Variants in ANKRD6 observed in about 807,000 individuals in gnomAD.
The protein encoded by ANKRD6 is ankyrin repeat domain 6.
ANKRD6 carries 56 observed loss-of-function variants against 82.3 expected under a neutral mutation model. The ratio of observed to expected loss-of-function variants is 0.68; its 90% CI spans 0.55 to 0.85. The LOEUF (loss-of-function observed/expected upper bound fraction) is 0.85, where lower values mean the gene tolerates loss of function less well. ANKRD6 is among the 40% of genes least tolerant of loss of function. The pLI is 0.00. For synonymous variants in ANKRD6, 347 were observed against 352.1 expected (o/e 0.99, Z 0.16); for missense variants, 852 against 907.6 (o/e 0.94, Z 0.79).
intron 3 of ANKRD6, among the ~76,000 whole-genome samples, chr6:89,597,693 G>C (rs1318269317): frequency 6.6e-6 from 1 of 152,232 alleles, no homozygotes; most frequent in East Asian, 1.9e-4. Flanking sequence ...TTTAGACAGA[G>C]AGAGTCCCTT....
chr6:89,486,431 T>C, intron 1 of ANKRD6, among the ~76,000 whole-genome samples: 1 of 152,174 alleles, frequency 6.6e-6, no homozygotes, highest in East Asian at 1.9e-4. Flanking sequence ...AACAGTACAT[T>C]TCTCAGAATG....
At position 89,433,218 on chromosome 6, in the gene ANKRD6, G is replaced by T. The variant is rs1770172928; in HGVS notation, c.-301G>T. On this transcript the variant is annotated 5_prime_UTR_variant, in exon 1 of 16. Coordinates refer to ENST00000339746, the MANE Select transcript of ANKRD6 (RefSeq NM_001242809.2). The surrounding 1 kb of genome is among the most constrained non-coding windows in gnomAD (Gnocchi z 4.3). ...GTAACCCGCAGGAGCCGAGAGCGCT[G>T]CCTGGCGCGCGGGCGGCTGGAGGCA... 6.6e-6 allele frequency: 1 copy of T among 151,708 alleles called. No homozygotes were observed. Among genetic ancestry groups the T allele is most frequent in the East Asian group, 1.9e-4 (1 of 5,148 alleles). The allele number at this position is 151,708 out of a possible 1,614,324, so 9.4% of individuals were successfully genotyped here.
chr6:89,466,654 C>T (rs914733813), intron 1 of ANKRD6, among the ~76,000 whole-genome samples: 8 of 152,120 alleles, frequency 5.3e-5, no homozygotes, highest in African/African-American at 1.7e-4. Flanking sequence ...TCAAAATCTT[C>T]ACCTTCCTGT....
In ANKRD6 at chr6:89,473,715, A is replaced by G. The variant is rs562243388; in HGVS notation, c.-144+40340A>G. Reference sequence around the variant, plus strand: ...AACTTGTAGCTAGGTGTGGTGGCTCACGCCTGTAATTCTAGCACTTTGGGT... The same window carrying G: ...AACTTGTAGCTAGGTGTGGTGGCTCGCGCCTGTAATTCTAGCACTTTGGGT... On this transcript the variant is annotated intron_variant, in intron 1 of 15. Coordinates refer to ENST00000339746, the MANE Select transcript of ANKRD6 (RefSeq NM_001242809.2). Among the ~76,000 whole-genome samples the G allele has an allele frequency of 1.2e-3, 184 of 152,266 alleles. 1 individual carries two copies. Among genetic ancestry groups the G allele is most frequent in the African/African-American group, 4.2e-3 (175 of 41,552 alleles).
chr6:89,577,072 G>A (rs1018422643), intron 2 of ANKRD6, among the ~76,000 whole-genome samples: 1 of 151,896 alleles, frequency 6.6e-6, no homozygotes, highest in Admixed American at 6.6e-5. Flanking sequence ...GCATCTTTAT[G>A]TGCAGAATCC....
chr6:89,575,842 T>C (rs1435758362), intron 2 of ANKRD6, among the ~76,000 whole-genome samples: 1 of 152,204 alleles, frequency 6.6e-6, no homozygotes, highest in East Asian at 1.9e-4. Flanking sequence ...GGGCATCTCT[T>C]CTGTCCTGGG....
rs1770300429 is a variant in ANKRD6 at position 89,433,986 on chromosome 6, G to A, written c.-144+611G>A. Among the ~76,000 whole-genome samples the A allele has an allele frequency of 6.6e-6, 1 of 152,170 alleles. No individual in the cohort carries two copies. The highest frequency in any genetic ancestry group is 6.5e-5 in the Admixed American group (1 of 15,284). ...TTGGGCTTTTAAGTGTGTTGCTTCC[G>A]GTAGATCTCGGGGACTGGAGGGGAA... On this transcript the variant is annotated intron_variant, in intron 1 of 15. Transcript: ENST00000339746. This position sits in a 1 kb window ranked among gnomAD's most constrained non-coding sequence, Gnocchi z 4.3.
intron 9 of ANKRD6, among the ~76,000 whole-genome samples, chr6:89,620,785 G>A (rs1171860712): frequency 2.6e-5 from 4 of 152,154 alleles, no homozygotes; most frequent in African/African-American, 9.7e-5. Context: ...TAAAGACGAG[G>A]CCGGGTGCGG....
chr6:89,607,210 T>A (rs868382580), intron 5 of ANKRD6, among the ~76,000 whole-genome samples: 4 of 151,838 alleles, frequency 2.6e-5, no homozygotes, highest in South Asian at 2.1e-4. Context: ...TACCTACCTT[T>A]CTTGGACTCT....
intron 1 of ANKRD6, among the ~76,000 whole-genome samples, chr6:89,557,099 G>A (rs1377373989): frequency 1.3e-5 from 2 of 152,170 alleles, no homozygotes; most frequent in East Asian, 3.8e-4. Flanking sequence ...ATCAAGGTGA[G>A]GACACAGGAA....
rs1342361306 is a variant in ANKRD6, at chr6:89,627,440, C to T, written c.1372-143C>T. On this transcript the variant is annotated intron_variant, in intron 13 of 15. Transcript: ENST00000339746. ...TTCTGAAAGAGTTCCATGAGTCCTA[C>T]ATGCAAATGGAATCAGATAAGGGGT... is the stretch of plus-strand genomic sequence containing the variant. 4 of 612,564 alleles carry T rather than the reference C, an allele frequency of 6.5e-6. No homozygotes were observed. The East Asian group carries it at 1.1e-4, about 17-fold the overall frequency. 37.9% of individuals were successfully genotyped at this position (612,564 alleles called of 1,614,324 possible). A position where few individuals can be genotyped will look rare whatever the true frequency, so the allele number is the denominator to read the frequency against.
At chr6:89,565,924 T>G (rs1032371947) in intron 1 of ANKRD6, among the ~76,000 whole-genome samples, 2 of 152,252 alleles carry the variant, frequency 1.3e-5, no homozygotes, top group African/African-American at 4.8e-5. Flanking sequence ...CATTCACCCT[T>G]GAAATAATTA....
At chr6:89,617,024 CT>C in intron 8 of ANKRD6, 1 of 437,610 alleles carries the variant, frequency 2.3e-6, no homozygotes, top group South Asian at 1.7e-5. Flanking sequence ...GTTTAGTCAG[CT>C]TCAAAATTCT....
chr6:89,517,049 T>G (rs1562697716), intron 1 of ANKRD6, among the ~76,000 whole-genome samples: 1 of 152,202 alleles, frequency 6.6e-6, no homozygotes, highest in Non-Finnish European at 1.5e-5. Flanking sequence ...TTCTGATTTT[T>G]AGTATAGATG....
chr6:89,497,750 A>G (rs1315868830), intron 1 of ANKRD6, among the ~76,000 whole-genome samples: 1 of 152,172 alleles, frequency 6.6e-6, no homozygotes, highest in Non-Finnish European at 1.5e-5. Flanking sequence ...AAATTTATCC[A>G]TTATAACTAT....
Position 89,596,028 on chromosome 6 carries a change from A to G in ANKRD6, c.219+14A>G. On this transcript the variant is annotated intron_variant, in intron 3 of 15. Transcript: ENST00000339746. ...GTCCAGGATGATGTGAGTAGAAGCC[A>G]TCATTCTATCAGGCTGAGTTGGCAG... is the stretch of plus-strand genomic sequence containing the variant. 6.3e-7 allele frequency: 1 copy of G among 1,595,822 alleles called. No homozygotes were observed. The highest frequency in any genetic ancestry group is 8.5e-7 in the Non-Finnish European group (1 of 1,170,172).
chr6:89,577,160 T>C (rs1335586977), intron 2 of ANKRD6, among the ~76,000 whole-genome samples: 1 of 151,828 alleles, frequency 6.6e-6, no homozygotes, highest in Non-Finnish European at 1.5e-5. Flanking sequence ...GGTCCCTTTT[T>C]ATCAGTACGA....
chr6:89,489,997 A>G (rs1405414082), intron 1 of ANKRD6, among the ~76,000 whole-genome samples: 1 of 152,176 alleles, frequency 6.6e-6, no homozygotes, highest in Non-Finnish European at 1.5e-5. Context: ...TGTTTTGTTT[A>G]ACAAATTTAT....
intron 15 of ANKRD6, 61 bp from the exon 16 acceptor site, chr6:89,630,372 G>C (rs189948891): frequency 6.5e-7 from 1 of 1,543,306 alleles, no homozygotes; most frequent in Non-Finnish European, 8.7e-7. Context: ...ATACTGACCC[G>C]CAGCCATATG....
Sources: allele counts gnomAD v4.1 joint callset (sites outside exome capture counted in the v4.1 genomes callset), GRCh38; gene constraint gnomAD v4.1.1; non-coding constraint Gnocchi (gnomAD v3.1); transcripts MANE v1.5; gene names NCBI Gene and HGNC (gene_info 2026-07-23, HGNC 2026-07-21).